Variants in ENTREP2 observed in about 807,000 individuals in gnomAD.
ENTREP2 encodes protein ENTREP2.
At chr15:29,586,160 A>G in the ENTREP2 span, among the ~76,000 whole-genome samples, 1 of 152,208 alleles carries the variant, frequency 6.6e-6, no homozygotes, top group Non-Finnish European at 1.5e-5. Context: ...CTATTGATAC[A>G]TGCTATAACA....
chr15:29,381,918 G>A, the ENTREP2 span: 3 of 1,261,904 alleles, frequency 2.4e-6, no homozygotes, highest in Non-Finnish European at 3.4e-6. Context: ...TCAACCCGGA[G>A]AAGGACGTGT....
chr15:29,124,655 A>G, the ENTREP2 span: 1 of 1,539,834 alleles, frequency 6.5e-7, no homozygotes, highest in Middle Eastern at 1.7e-4. Context: ...CAGCAGGCGC[A>G]GTCAAAGCGC....
At chr15:29,580,943 T>C in the ENTREP2 span, among the ~76,000 whole-genome samples, 7 of 152,188 alleles carry the variant, frequency 4.6e-5, no homozygotes, top group African/African-American at 7.2e-5. Flanking sequence ...TAAATATCTA[T>C]TGAGTGAAAT....
At chr15:29,468,725 C>T in the ENTREP2 span, among the ~76,000 whole-genome samples, 535 of 151,668 alleles carry the variant, frequency 3.5e-3, 2 homozygotes, top group Non-Finnish European at 5.8e-3. Flanking sequence ...AATTTGGATG[C>T]ATTTTTGTTA....
chr15:29,235,829 T>C, the ENTREP2 span, among the ~76,000 whole-genome samples: 1 of 152,016 alleles, frequency 6.6e-6, no homozygotes, highest in Non-Finnish European at 1.5e-5. Flanking sequence ...CTGGGCATGG[T>C]GGCGGGTGCC....
the ENTREP2 span, among the ~76,000 whole-genome samples, chr15:29,435,846 G>A: frequency 1.3e-5 from 2 of 152,078 alleles, no homozygotes; most frequent in African/African-American, 4.8e-5. Flanking sequence ...TTCGGTTTTA[G>A]TGCTGGAAGA....
the ENTREP2 span, among the ~76,000 whole-genome samples, chr15:29,592,910 C>T: frequency 6.6e-6 from 1 of 152,180 alleles, no homozygotes; most frequent in Non-Finnish European, 1.5e-5. Context: ...AGCAGCTCCC[C>T]TTCACCTTAC....
the ENTREP2 span, among the ~76,000 whole-genome samples, chr15:29,170,373 AT>A: frequency 6.6e-6 from 1 of 152,018 alleles, no homozygotes; most frequent in Non-Finnish European, 1.5e-5. Flanking sequence ...AACAGCAAGT[AT>A]AAGTTTTTTA....
the ENTREP2 span, among the ~76,000 whole-genome samples, chr15:29,559,240 C>A: frequency 6.6e-5 from 10 of 152,114 alleles, no homozygotes; most frequent in African/African-American, 2.4e-4. Flanking sequence ...ACTGTACCCA[C>A]CCACCAGCAC....
the ENTREP2 span, among the ~76,000 whole-genome samples, chr15:29,349,053 G>A: frequency 1.3e-5 from 2 of 152,198 alleles, no homozygotes; most frequent in African/African-American, 4.8e-5. Context: ...GATGATGAAC[G>A]ATTCACAGCT....
the ENTREP2 span, among the ~76,000 whole-genome samples, chr15:29,356,290 ATATATATTTTTTTTTT>A: frequency 1.8e-5 from 1 of 55,348 alleles, no homozygotes; most frequent in Non-Finnish European, 3.4e-5. Context: ...ATATATATAT[ATATATATTTTTTTTTT>A]TTTTTTTTTT....
At chr15:29,405,701 G>C in the ENTREP2 span, among the ~76,000 whole-genome samples, 29,530 of 152,216 alleles carry the variant, frequency 0.19, 3,533 homozygotes, top group Middle Eastern at 0.38. Flanking sequence ...TGGGGGCCCA[G>C]AGCACGCTTG....
chr15:29,166,525 C>G, the ENTREP2 span, among the ~76,000 whole-genome samples: 1 of 152,152 alleles, frequency 6.6e-6, no homozygotes, highest in African/African-American at 2.4e-5. Flanking sequence ...TATACACCAA[C>G]AGTGACCAAG....
the ENTREP2 span, among the ~76,000 whole-genome samples, chr15:29,352,165 C>A: frequency 2.0e-5 from 3 of 151,550 alleles, no homozygotes; most frequent in Non-Finnish European, 2.9e-5. Flanking sequence ...TAACTCCTGG[C>A]TTCAAGCAAT....
At chr15:29,608,328 C>T in the ENTREP2 span, among the ~76,000 whole-genome samples, 1 of 152,056 alleles carries the variant, frequency 6.6e-6, no homozygotes, top group Non-Finnish European at 1.5e-5. Context: ...GAGCCACCTG[C>T]TTTCAGGGAT....
At chr15:29,489,922 C>T in the ENTREP2 span, among the ~76,000 whole-genome samples, 4 of 152,292 alleles carry the variant, frequency 2.6e-5, no homozygotes, top group African/African-American at 7.2e-5. Flanking sequence ...CAAAGATCAC[C>T]ACAAAAATGT....
the ENTREP2 span, among the ~76,000 whole-genome samples, chr15:29,604,968 C>T: frequency 4.7e-4 from 72 of 152,290 alleles, no homozygotes; most frequent in Non-Finnish European, 3.1e-4. Context: ...GTGACACAAA[C>T]CGTGGTATTT....
chr15:29,626,290 G>GA, the ENTREP2 span, among the ~76,000 whole-genome samples: 2 of 152,170 alleles, frequency 1.3e-5, no homozygotes. Context: ...ATCCCGACAT[G>GA]TCAAAGGCAG....
the ENTREP2 span, among the ~76,000 whole-genome samples, chr15:29,343,183 T>A: frequency 8.3e-4 from 127 of 152,236 alleles, no homozygotes; most frequent in African/African-American, 2.9e-3. Context: ...GGAAGTATGA[T>A]AGGTTATTTT....
Sources: gnomAD v4.1 joint callset for allele counts (sites outside exome capture counted in the v4.1 genomes callset) on GRCh38, gnomAD v4.1.1 for gene constraint, MANE v1.5 for transcripts, NCBI Gene and HGNC (gene_info 2026-07-23, HGNC 2026-07-21) for gene names.